Variants in EPHA7 observed in about 807,000 individuals in gnomAD.
EPHA7 encodes the protein ephrin type-A receptor 7.
Under a neutral mutation model 112.6 loss-of-function variants are expected in EPHA7, and 25 were observed. The observed-to-expected ratio is 0.22, with a 90% confidence interval of 0.16 to 0.31. The LOEUF is 0.31. Among genes scored for constraint, EPHA7 ranks in the 10% least tolerant of loss-of-function variants. The pLI, the probability that EPHA7 is intolerant of heterozygous loss-of-function variation, is 1.00. For missense variants in EPHA7, 962 were observed against 1,212.6 expected, an observed-to-expected ratio of 0.79 and a Z score of 3.07; for synonymous variants, 437 against 406.5, an observed-to-expected ratio of 1.07 and a Z score of -0.90.
intron 14 of EPHA7, among the ~76,000 whole-genome samples, chr6:93,254,068 G>A (rs945637869): frequency 6.6e-6 from 1 of 151,740 alleles, no homozygotes; most frequent in South Asian, 2.1e-4. Context: ...TGGCAACAGG[G>A]TATGTACATT....
intron 3 of EPHA7, among the ~76,000 whole-genome samples, chr6:93,408,579 A>T: frequency 6.6e-6 from 1 of 152,106 alleles, no homozygotes; most frequent in East Asian, 1.9e-4. Flanking sequence ...GGGACATAAA[A>T]GGAGACTGCT....
At chr6:93,287,165 C>T (rs1187314717) in intron 5 of EPHA7, among the ~76,000 whole-genome samples, 1 of 152,158 alleles carries the variant, frequency 6.6e-6, no homozygotes, top group Non-Finnish European at 1.5e-5. Context: ...CTATTGGATT[C>T]TTCCTGAAAG....
intron 16 of EPHA7, among the ~76,000 whole-genome samples, chr6:93,244,264 C>T (rs1263317835): frequency 6.6e-6 from 1 of 151,998 alleles, no homozygotes; most frequent in African/African-American, 2.4e-5. Context: ...CATGGGTTTT[C>T]AGGGGTACAG....
intron 5 of EPHA7, among the ~76,000 whole-genome samples, chr6:93,329,856 T>TA (rs1026372924): frequency 8.0e-5 from 12 of 150,646 alleles, no homozygotes; most frequent in Admixed American, 2.7e-4. Flanking sequence ...GAAGTGAAAT[T>TA]AAAAAAAACA....
At chr6:93,326,687 G>C (rs1279722821) in intron 5 of EPHA7, among the ~76,000 whole-genome samples, 2 of 151,124 alleles carry the variant, frequency 1.3e-5, no homozygotes, top group African/African-American at 4.9e-5. Flanking sequence ...GACGTGTTTG[G>C]ACTAAAATCT....
chr6:93,332,580 A>C (rs1245258906), intron 5 of EPHA7, among the ~76,000 whole-genome samples: 1 of 151,728 alleles, frequency 6.6e-6, no homozygotes, highest in Non-Finnish European at 1.5e-5. Context: ...TGTGCATGAC[A>C]AAAGTAAACA....
chr6:93,359,459 A>C (rs534676312), intron 3 of EPHA7, among the ~76,000 whole-genome samples: 24 of 151,892 alleles, frequency 1.6e-4, no homozygotes, highest in Non-Finnish European at 2.7e-4. Flanking sequence ...ATATTTAGCT[A>C]AAAGAAAATC....
intron 3 of EPHA7, among the ~76,000 whole-genome samples, chr6:93,374,594 G>C (rs1895639): frequency 0.73 from 111,063 of 152,040 alleles, 41,704 homozygotes; most frequent in Non-Finnish European, 0.82. Flanking sequence ...TGCCAAAATA[G>C]AAGAAACTTG....
At chr6:93,259,208 A>G (rs1057174368) in intron 10 of EPHA7, 146 bp downstream of exon 10, 1 of 901,862 alleles carries the variant, frequency 1.1e-6, no homozygotes, top group Admixed American at 3.0e-5. Context: ...GATTTCATAA[A>G]CAAGTACAGC....
intron 3 of EPHA7, among the ~76,000 whole-genome samples, chr6:93,363,385 T>C (rs1048467565): frequency 3.3e-5 from 5 of 152,112 alleles, no homozygotes; most frequent in Non-Finnish European, 5.9e-5. Flanking sequence ...ATCAAAAATA[T>C]GCAAGGAATC....
chr6:93,317,336 C>T lies in EPHA7; in HGVS notation c.1324+39381G>A, dbSNP rs577095495. Among the ~76,000 whole-genome samples, 70 of 152,144 alleles carry T rather than the reference C, an allele frequency of 4.6e-4. No homozygotes were observed. The South Asian group carries it at 5.6e-3, about 12-fold the overall frequency. On this transcript the variant is annotated intron_variant, in intron 5 of 16. Coordinates refer to ENST00000369303, the MANE Select transcript of EPHA7 (RefSeq NM_004440.4). ...CATACATAACAGGTGGGAGCCAGTC[C>T]TAGGAATGCATGGTATAAAAGGCAG...
intron 5 of EPHA7, among the ~76,000 whole-genome samples, chr6:93,312,357 T>C (rs1353894441): frequency 6.6e-6 from 1 of 152,168 alleles, no homozygotes; most frequent in African/African-American, 2.4e-5. Flanking sequence ...CTGTAGTTTC[T>C]ATATCAACAC....
At chr6:93,348,000 C>T (rs756489591) in intron 5 of EPHA7, among the ~76,000 whole-genome samples, 2 of 151,758 alleles carry the variant, frequency 1.3e-5, no homozygotes, top group East Asian at 1.9e-4. Context: ...CAACTTAAAA[C>T]ACTCTATACT....
chr6:93,349,030 GTGAAGATAC>G (rs1304315189), intron 5 of EPHA7, among the ~76,000 whole-genome samples: 2 of 151,750 alleles, frequency 1.3e-5, no homozygotes, highest in African/African-American at 4.8e-5. Flanking sequence ...AATTCGGAAT[GTGAAGATAC>G]TGTGCAAACA....
Position 93,410,960 on chromosome 6 carries a change from A to G in EPHA7, c.373T>C (p.Leu125=). 1 of 1,614,032 alleles carries G rather than the reference A, an allele frequency of 6.2e-7. No individual in the cohort carries two copies. Among genetic ancestry groups the G allele is most frequent in the Non-Finnish European group, 8.5e-7 (1 of 1,179,972 alleles). The part of the protein sequence containing the change: ...VLGTCKETFN[L]YYYETDYDTG... ...TCATAGTCTGTTTCATAATAGTACA[A>G]ATTAAATGTTTCCTTGCAAGTTCCC... is the stretch of plus-strand genomic sequence containing the variant. The change falls in exon 3 of 17, where the codon TTG becomes CTG. Residue 125 remains leucine, a synonymous_variant. Coordinates refer to ENST00000369303, the MANE Select transcript of EPHA7 (RefSeq NM_004440.4). This position sits in a 1 kb window ranked among gnomAD's most constrained non-coding sequence, Gnocchi z 4.0.
At chr6:93,378,385 G>A (rs904108773) in intron 3 of EPHA7, among the ~76,000 whole-genome samples, 1 of 152,128 alleles carries the variant, frequency 6.6e-6, no homozygotes, top group East Asian at 1.9e-4. Flanking sequence ...GGATTAGCAA[G>A]AGGCAGAAAA....
chr6:93,262,419 G>A (rs898465273), intron 9 of EPHA7, among the ~76,000 whole-genome samples: 1 of 148,402 alleles, frequency 6.7e-6, no homozygotes, highest in African/African-American at 2.5e-5. Flanking sequence ...ATATTCAGGG[G>A]TATATTAAGT....
intron 5 of EPHA7, among the ~76,000 whole-genome samples, chr6:93,295,867 C>T (rs183293154): frequency 0.011 from 1,717 of 151,854 alleles, 24 homozygotes; most frequent in Admixed American, 0.021. Context: ...ATAATACATC[C>T]CCATAACTTC....
At chr6:93,303,209 T>C (rs1445363692) in intron 5 of EPHA7, among the ~76,000 whole-genome samples, 1 of 152,180 alleles carries the variant, frequency 6.6e-6, no homozygotes, top group Admixed American at 6.6e-5. Context: ...TGTGAAGTTA[T>C]ACTGAACACT....
Sources: allele counts gnomAD v4.1 joint callset (sites outside exome capture counted in the v4.1 genomes callset), GRCh38; gene constraint gnomAD v4.1.1; non-coding constraint Gnocchi (gnomAD v3.1); transcripts MANE v1.5; gene names NCBI Gene and HGNC (gene_info 2026-07-23, HGNC 2026-07-21).